Variants in TEKTL1 observed in about 807,000 individuals in gnomAD.
The protein encoded by TEKTL1 is tektin like 1.
chr19:15,021,931 C>G, the TEKTL1 span: 1 of 1,600,764 alleles, frequency 6.2e-7, no homozygotes, highest in Non-Finnish European at 8.5e-7. Context: ...TAAACCCCCT[C>G]CCCCGTACCC....
chr19:15,021,278 T>G, the TEKTL1 span: 280 of 1,558,772 alleles, frequency 1.8e-4, no homozygotes, highest in Non-Finnish European at 2.2e-4. Flanking sequence ...CACCACCACC[T>G]GAGAATAGAG....
chr19:15,021,987 A>T, the TEKTL1 span: 2 of 1,241,860 alleles, frequency 1.6e-6, no homozygotes, highest in Non-Finnish European at 2.3e-6. Context: ...CCTCAAGCAC[A>T]TCTGGACCAG....
chr19:15,020,421 C>A, the TEKTL1 span: 18 of 1,577,764 alleles, frequency 1.1e-5, no homozygotes, highest in Non-Finnish European at 1.6e-5. Context: ...CCCTCAACCT[C>A]CCAGTTCTCA....
chr19:15,018,320 T>C, the TEKTL1 span, among the ~76,000 whole-genome samples: 1 of 152,132 alleles, frequency 6.6e-6, no homozygotes, highest in East Asian at 1.9e-4. Context: ...CACCATTGCA[T>C]GATCTGTCTG....
the TEKTL1 span, chr19:15,010,864 C>T: frequency 1.9e-5 from 29 of 1,554,036 alleles, no homozygotes; most frequent in East Asian, 6.7e-4. Context: ...GCAGCCAGGA[C>T]ACACGCGTTG....
chr19:15,014,719 T>TGGGGGGTG, the TEKTL1 span, among the ~76,000 whole-genome samples: 1 of 40,990 alleles, frequency 2.4e-5, no homozygotes, highest in African/African-American at 1.1e-4. Context: ...GGCAGGAGAC[T>TGGGGGGTG]CAGTGGGGGG....
At chr19:15,010,844 C>G in the TEKTL1 span, 15 of 1,543,734 alleles carry the variant, frequency 9.7e-6, no homozygotes, top group East Asian at 3.2e-4. Context: ...GTTGGTACCC[C>G]CGGCTGAGCG....
the TEKTL1 span, among the ~76,000 whole-genome samples, chr19:15,016,322 T>A: frequency 6.6e-6 from 1 of 151,088 alleles, no homozygotes; most frequent in African/African-American, 2.4e-5. Context: ...CCCGAGTAGC[T>A]GGGATTACAG....
At chr19:15,013,813 G>A in the TEKTL1 span, 3 of 1,406,088 alleles carry the variant, frequency 2.1e-6, no homozygotes, top group Non-Finnish European at 3.0e-6. Flanking sequence ...GGGGGCTGGA[G>A]GGGGATCCCT....
At chr19:15,018,441 G>A in the TEKTL1 span, among the ~76,000 whole-genome samples, 1 of 151,916 alleles carries the variant, frequency 6.6e-6, no homozygotes, top group Admixed American at 6.6e-5. Flanking sequence ...GGGCACAGCA[G>A]CTCGCGCCTG....
At chr19:15,013,325 A>T in the TEKTL1 span, among the ~76,000 whole-genome samples, 3 of 152,160 alleles carry the variant, frequency 2.0e-5, no homozygotes, top group African/African-American at 7.2e-5. Context: ...AGAGGAGATA[A>T]GACCATCACT....
the TEKTL1 span, chr19:15,013,692 T>C: frequency 8.7e-6 from 14 of 1,613,382 alleles, no homozygotes; most frequent in East Asian, 2.2e-5. Flanking sequence ...AAGCTGACAG[T>C]ATGCTTACAT....
At chr19:15,018,715 A>ATATATATATCTATATATAT in the TEKTL1 span, among the ~76,000 whole-genome samples, 1 of 68,252 alleles carries the variant, frequency 1.5e-5, no homozygotes, top group South Asian at 4.0e-4. Context: ...CCTATCTCAA[A>ATATATATATCTATATATAT]ATATGTATAT....
At chr19:15,013,675 C>T in the TEKTL1 span, 4 of 1,611,590 alleles carry the variant, frequency 2.5e-6, no homozygotes, top group Non-Finnish European at 3.4e-6. Context: ...TTTCTAGGTC[C>T]CTGACAAAGC....
At chr19:15,014,719 T>TGGGGGGGG in the TEKTL1 span, among the ~76,000 whole-genome samples, 74 of 40,984 alleles carry the variant, frequency 1.8e-3, 1 homozygote, top group African/African-American at 6.1e-3. Context: ...GGCAGGAGAC[T>TGGGGGGGG]CAGTGGGGGG....
the TEKTL1 span, among the ~76,000 whole-genome samples, chr19:15,011,792 G>A: frequency 2.0e-5 from 3 of 151,766 alleles, no homozygotes; most frequent in Non-Finnish European, 4.4e-5. Flanking sequence ...GTGAATAAGG[G>A]CACAAGAAGA....
At chr19:15,021,672 A>G in the TEKTL1 span, 15 of 1,614,022 alleles carry the variant, frequency 9.3e-6, no homozygotes, top group Non-Finnish European at 1.3e-5. Flanking sequence ...GGTGTACGAA[A>G]TATAACCAAG....
At chr19:15,011,219 G>A in the TEKTL1 span, 1 of 1,478,302 alleles carries the variant, frequency 6.8e-7, no homozygotes, top group Non-Finnish European at 8.9e-7. Flanking sequence ...GCACGCGCGT[G>A]GAGCGCGCCT....
the TEKTL1 span, among the ~76,000 whole-genome samples, chr19:15,018,732 A>ATATATATATATATATATATATATATAT: frequency 7.1e-4 from 56 of 78,536 alleles, 4 homozygotes; most frequent in Non-Finnish European, 1.1e-3. Context: ...ATATATATAT[A>ATATATATATATATATATATATATATAT]ACTTCCCTGG....
Sources: gnomAD v4.1 joint callset for allele counts (sites outside exome capture counted in the v4.1 genomes callset) on GRCh38, gnomAD v4.1.1 for gene constraint, MANE v1.5 for transcripts, NCBI Gene and HGNC (gene_info 2026-07-23, HGNC 2026-07-21) for gene names.